Variants in MAPK8IP1 observed in about 807,000 individuals in gnomAD.
MAPK8IP1 encodes the protein mitogen-activated protein kinase 8 interacting protein 1.
MAPK8IP1 carries 17 observed loss-of-function variants against 72.6 expected under a neutral mutation model. That is an observed-to-expected ratio of 0.23 (90% CI 0.16 to 0.35). The LOEUF (loss-of-function observed/expected upper bound fraction) is 0.35. Among genes scored for constraint, MAPK8IP1 ranks in the 10% least tolerant of loss-of-function variants. The probability of loss-of-function intolerance (pLI) is 1.00; values close to 1 mark genes in which losing one functional copy is unlikely to be tolerated. For missense variants in MAPK8IP1, 789 were observed against 1,009.7 expected (o/e 0.78, Z 2.96); for synonymous variants, 401 against 443.4 (o/e 0.90, Z 1.20).
chr11:45,885,742 C>A lies in MAPK8IP1; in HGVS notation c.-79C>A, dbSNP rs2086521195. On this transcript the variant is annotated 5_prime_UTR_variant, in exon 1 of 12. Transcript: ENST00000241014. ...AACTCCGCGGCGGCGGCTGCCCTCT[C>A]GCCGCGCCTCCGCCTCCTTCGCAGC... 37 of 821,858 alleles carry A rather than the reference C, an allele frequency of 4.5e-5. No individual in the cohort carries two copies. In the East Asian group the frequency reaches 1.2e-3, roughly 27 times the overall value. The allele number at this position is 821,858 out of a possible 1,614,324, so 50.9% of individuals were successfully genotyped here. A position where few individuals can be genotyped will look rare whatever the true frequency, so the allele number is the denominator to read the frequency against.
chr11:45,904,964 C>T lies in MAPK8IP1; in HGVS notation c.1894-7C>T. On this transcript the variant is annotated splice_polypyrimidine_tract_variant and splice_region_variant and intron_variant, in intron 9 of 11. Transcript: ENST00000241014. This position sits in a 1 kb window ranked among gnomAD's most constrained non-coding sequence, Gnocchi z 6.4. ...CCGCCCTCTTGCTTCTTTTCTCCCT[C>T]CTGTAGGGGAATAAATGTAGCCACT... 1 of 1,613,936 alleles carries T rather than the reference C, an allele frequency of 6.2e-7. No homozygotes were observed. The highest frequency in any genetic ancestry group is 2.2e-5 in the East Asian group (1 of 44,886).
Position 45,904,196 on chromosome 11 carries a change from C to A in MAPK8IP1, c.1666+35C>A, listed in dbSNP as rs773705267. 2 of 1,602,190 alleles carry A rather than the reference C, an allele frequency of 1.2e-6. No individual in the cohort carries two copies. Among genetic ancestry groups the A allele is most frequent in the African/African-American group, 2.7e-5 (2 of 74,686 alleles). On this transcript the variant is annotated intron_variant, in intron 7 of 11. Coordinates refer to ENST00000241014, the MANE Select transcript of MAPK8IP1 (RefSeq NM_005456.4). The surrounding 1 kb of genome is among the most constrained non-coding windows in gnomAD (Gnocchi z 6.4). ...CCTCCCTGGCCTGTGCCCCCAGCCA[C>A]CACATCTGTCTGCCCCAACTTGCTG...
At position 45,904,097 on chromosome 11, in the gene MAPK8IP1, T is replaced by C. The variant is rs2086682081; in HGVS notation, c.1602T>C (p.Gly534=). ...ACGAGGCCTACAACATGCGCACTGG[T>C]GCCCGGGGTGTCTTTCCTGCCTATT... ...YWYEAYNMRT[G]ARGVFPAYYA... is the part of the protein sequence containing the mutation. The change falls in exon 7 of 12, where the codon GGT becomes GGC. Residue 534 remains glycine, a synonymous_variant. Transcript: ENST00000241014. This position sits in a 1 kb window ranked among gnomAD's most constrained non-coding sequence, Gnocchi z 6.4. The C allele has an allele frequency of 6.2e-7, 1 of 1,614,028 alleles. No homozygotes were observed. Among genetic ancestry groups the C allele is most frequent in the Non-Finnish European group, 8.5e-7 (1 of 1,180,014 alleles).
chr11:45,892,591 G>A (rs915623429), intron 1 of MAPK8IP1, among the ~76,000 whole-genome samples: 2 of 152,184 alleles, frequency 1.3e-5, no homozygotes, highest in Non-Finnish European at 2.9e-5. Context: ...GGTCCCAGAG[G>A]TCAGAGAAGG....
Position 45,900,548 on chromosome 11 carries a change from C to T in MAPK8IP1, c.522+96C>T, listed in dbSNP as rs1037685161. On this transcript the variant is annotated intron_variant, in intron 3 of 11. Coordinates refer to ENST00000241014, the MANE Select transcript of MAPK8IP1 (RefSeq NM_005456.4). This position sits in a 1 kb window ranked among gnomAD's most constrained non-coding sequence, Gnocchi z 6.5. Reference sequence around the variant, plus strand: ...CAGCGGGAAGGGGCACCCACGGGTCCAGTGCCTGGGGACAGCGCCTGCATA... The same window carrying T: ...CAGCGGGAAGGGGCACCCACGGGTCTAGTGCCTGGGGACAGCGCCTGCATA... The T allele has an allele frequency of 8.5e-6, 12 of 1,410,342 alleles. No homozygotes were observed. Among genetic ancestry groups the T allele is most frequent in the Non-Finnish European group, 1.1e-5 (12 of 1,051,900 alleles). The allele number at this position is 1,410,342 out of a possible 1,614,324, so 87.4% of individuals were successfully genotyped here. A position where few individuals can be genotyped will look rare whatever the true frequency, so the allele number is the denominator to read the frequency against.
At chr11:45,898,555 C>T (rs1369631359) in intron 2 of MAPK8IP1, among the ~76,000 whole-genome samples, 1 of 152,108 alleles carries the variant, frequency 6.6e-6, no homozygotes, top group Non-Finnish European at 1.5e-5. Flanking sequence ...TGGCAGAGGG[C>T]CTGAGGCAGA....
At chr11:45,898,509 C>G (rs2086624645) in intron 2 of MAPK8IP1, among the ~76,000 whole-genome samples, 1 of 152,096 alleles carries the variant, frequency 6.6e-6, no homozygotes, top group African/African-American at 2.4e-5. Context: ...TTAAGGGAGA[C>G]TCAGGGCTAC....
chr11:45,901,917 G>GGT (rs1320169201), intron 3 of MAPK8IP1, 63 bp from the exon 4 acceptor site: 3 of 1,298,450 alleles, frequency 2.3e-6, no homozygotes, highest in Admixed American at 3.4e-5. Flanking sequence ...GCAGGGCCGG[G>GGT]GCCTCCCTGT....
At position 45,900,291 on chromosome 11, in the gene MAPK8IP1, C is replaced by T. The variant is rs1007585780; in HGVS notation, c.361C>T (p.Arg121Trp). The T allele has an allele frequency of 7.5e-6, 10 of 1,330,076 alleles. 1 individual carries two copies. The East Asian group carries it at 2.2e-4, about 29-fold the overall frequency. 82.4% of individuals were successfully genotyped at this position (1,330,076 alleles called of 1,614,324 possible). The change falls in exon 3 of 12, where the codon CGG becomes TGG. Residue 121 changes from arginine to tryptophan, a missense_variant. Transcript: ENST00000241014. This position sits in a 1 kb window ranked among gnomAD's most constrained non-coding sequence, Gnocchi z 6.5. ...EDDDEERAAR[R>W]PGAGPPKAES... Reference sequence around the variant, plus strand: ...CGACGACGAGGAGCGCGCGGCCCGGCGGCCGGGAGCGGGGCCGCCCAAGGC... The same window carrying T: ...CGACGACGAGGAGCGCGCGGCCCGGTGGCCGGGAGCGGGGCCGCCCAAGGC...
In MAPK8IP1 at chr11:45,903,032, C is replaced by T. The variant is rs142385824; in HGVS notation, c.1265C>T (p.Pro422Leu). 3 of 1,611,730 alleles carry T rather than the reference C, an allele frequency of 1.9e-6. No individual in the cohort carries two copies. The highest frequency in any genetic ancestry group is 2.2e-5 in the East Asian group (1 of 44,876). Residue 422 changes from proline to leucine, a missense_variant, in exon 5 of 12, where the codon CCC becomes CTC. By Grantham distance (98) the Pro-to-Leu change is moderately conservative (BLOSUM62 -3). This residue lies in a region of MAPK8IP1 where 377 missense variants were observed against 411.7 expected (regional missense o/e 0.92). Transcript: ENST00000241014. This position sits in a 1 kb window ranked among gnomAD's most constrained non-coding sequence, Gnocchi z 6.4. ...VYDNCASVSS[P>L]YESAIGEEYE... is the part of the protein sequence containing the mutation. ...GACAACTGTGCCTCCGTCTCCTCGC[C>T]CTATGAGTCGGCCATCGGAGAGGAA...
chr11:45,899,457 AG>A (rs1338431991), intron 2 of MAPK8IP1, among the ~76,000 whole-genome samples: 1 of 152,178 alleles, frequency 6.6e-6, no homozygotes, highest in Non-Finnish European at 1.5e-5. Flanking sequence ...TCAACTGATG[AG>A]GGGGCCTGAA....
Position 45,903,065 on chromosome 11 carries a change from A to C in MAPK8IP1, c.1298A>C (p.Glu433Ala), listed in dbSNP as rs750730558. ...TCGGCCATCGGAGAGGAATATGAGG[A>C]GGCCCCGCGGCCCCAGCCCCCTGCC... ...YESAIGEEYE[E>A]APRPQPPACL... Residue 433 changes from glutamate to alanine, a missense_variant, in exon 5 of 12, where the codon GAG (glutamate) becomes GCG (alanine). This residue lies in a region of MAPK8IP1 where 377 missense variants were observed against 411.7 expected (regional missense o/e 0.92). Coordinates refer to ENST00000241014, the MANE Select transcript of MAPK8IP1 (RefSeq NM_005456.4). This position sits in a 1 kb window ranked among gnomAD's most constrained non-coding sequence, Gnocchi z 6.4. The C allele has an allele frequency of 1.9e-6, 3 of 1,611,444 alleles. No homozygotes were observed. The Middle Eastern group carries it at 6.3e-4, about 337-fold the overall frequency.
chr11:45,893,604 TG>T (rs759009287), intron 1 of MAPK8IP1, among the ~76,000 whole-genome samples: 21 of 152,272 alleles, frequency 1.4e-4, no homozygotes, highest in African/African-American at 4.6e-4. Context: ...GCAGGTCTGA[TG>T]GGTGGGCAGG....
Position 45,900,243 on chromosome 11 carries a change from G to A in MAPK8IP1, c.313G>A (p.Gly105Arg), listed in dbSNP as rs1316865554. The change falls in exon 3 of 12, where the codon GGG becomes AGG. Residue 105 changes from glycine to arginine, a missense_variant. Gly to Arg is a moderately radical substitution (Grantham distance 125, BLOSUM62 -2). This residue lies in a region of MAPK8IP1 where 112 missense variants were observed against 192.8 expected (regional missense o/e 0.58). Transcript: ENST00000241014. This position sits in a 1 kb window ranked among gnomAD's most constrained non-coding sequence, Gnocchi z 6.5. ...DLIDATGDTP[G>R]AEDDEEDDDE... ...GATCGACGCGACGGGGGACACTCCC[G>A]GGGCCGAGGACGACGAGGAGGACGA... 1.5e-5 allele frequency: 20 copies of A among 1,333,108 alleles called. No individual in the cohort carries two copies. The highest frequency in any genetic ancestry group is 1.7e-5 in the Non-Finnish European group (18 of 1,048,546). The allele number at this position is 1,333,108 out of a possible 1,614,324, so 82.6% of individuals were successfully genotyped here. A position where few individuals can be genotyped will look rare whatever the true frequency, so the allele number is the denominator to read the frequency against.
chr11:45,895,354 T>C (rs2086595039), intron 1 of MAPK8IP1, among the ~76,000 whole-genome samples: 1 of 152,084 alleles, frequency 6.6e-6, no homozygotes, highest in Non-Finnish European at 1.5e-5. Flanking sequence ...GCACCATGGC[T>C]CACGCCTGCA....
At position 45,898,128 on chromosome 11, in the gene MAPK8IP1, C is replaced by T. The variant is rs965375257; in HGVS notation, c.145C>T (p.Leu49Phe). 1 of 1,613,638 alleles carries T rather than the reference C, an allele frequency of 6.2e-7. No homozygotes were observed. The highest frequency in any genetic ancestry group is 1.3e-5 in the African/African-American group (1 of 74,892). ...ISLEEFEDEDLSEITDECGIS... is the reference protein window; with the variant it reads ...ISLEEFEDEDFSEITDECGIS... ...CCTGGAGGAGTTTGAGGATGAAGAC[C>T]TCTCGGAGATCACTGATGAGTGTGG... The change falls in exon 2 of 12, where the codon CTC becomes TTC. Residue 49 changes from leucine to phenylalanine, a missense_variant. This residue lies in a region of MAPK8IP1 where 112 missense variants were observed against 111.8 expected (regional missense o/e 1.00). Coordinates refer to ENST00000241014, the MANE Select transcript of MAPK8IP1 (RefSeq NM_005456.4).
rs75011342 is a variant in MAPK8IP1 at position 45,898,639 on chromosome 11, C to T, written c.207+449C>T. ...AGCCAAGGCACCCCTGGAATAGCTCCTGTGGCTGCTGGCTGCTATTACACC... is the reference window on the plus strand; with the variant it reads ...AGCCAAGGCACCCCTGGAATAGCTCTTGTGGCTGCTGGCTGCTATTACACC... On this transcript the variant is annotated intron_variant, in intron 2 of 11. Transcript: ENST00000241014. Among the ~76,000 whole-genome samples the T allele has an allele frequency of 2.1e-3, 320 of 152,324 alleles. 3 individuals are homozygous for T. Among genetic ancestry groups the T allele is most frequent in the African/African-American group, 7.4e-3 (307 of 41,560 alleles).
At chr11:45,890,122 C>T (rs995648044) in intron 1 of MAPK8IP1, among the ~76,000 whole-genome samples, 4 of 152,116 alleles carry the variant, frequency 2.6e-5, no homozygotes, top group Admixed American at 1.3e-4. Context: ...GAGTGAAGGG[C>T]GGAGACCAGA....
rs780805259 is a variant in MAPK8IP1, at chr11:45,903,022, G to A, written c.1255G>A (p.Val419Ile). The change falls in exon 5 of 12, where the codon GTC becomes ATC. Residue 419 changes from valine (V) to isoleucine (I), a missense_variant. By Grantham distance (29) the Val-to-Ile change is conservative. Around this residue, in one of 4 missense-constraint regions of MAPK8IP1, gnomAD observed 377 missense variants for 411.7 expected, o/e 0.92. Coordinates refer to ENST00000241014, the MANE Select transcript of MAPK8IP1 (RefSeq NM_005456.4). The surrounding 1 kb of genome is among the most constrained non-coding windows in gnomAD (Gnocchi z 6.4). Reference protein sequence around the residue: ...SATVYDNCASVSSPYESAIGE... With the variant: ...SATVYDNCASISSPYESAIGE... ...CACCGTCTATGACAACTGTGCCTCC[G>A]TCTCCTCGCCCTATGAGTCGGCCAT... The A allele has an allele frequency of 2.6e-5, 42 of 1,611,594 alleles. No homozygotes were observed. The highest frequency in any genetic ancestry group is 1.1e-4 in the South Asian group (10 of 91,008).
Sources: allele counts gnomAD v4.1 joint callset (sites outside exome capture counted in the v4.1 genomes callset), GRCh38; gene constraint gnomAD v4.1.1; regional missense constraint gnomAD v4.1.1; non-coding constraint Gnocchi (gnomAD v3.1); transcripts MANE v1.5; gene names NCBI Gene and HGNC (gene_info 2026-07-23, HGNC 2026-07-21).